The following CDH4 variants were observed in gnomAD, a reference collection of about 807,000 sequenced individuals.
CDH4 encodes cadherin 4.
Under a neutral mutation model 86.0 loss-of-function variants are expected in CDH4, and 33 were observed. The ratio of observed to expected loss-of-function variants is 0.38; its 90% CI spans 0.29 to 0.51. The LOEUF (loss-of-function observed/expected upper bound fraction) is 0.51. CDH4 is among the 20% of genes least tolerant of loss of function. The probability of loss-of-function intolerance (pLI) is 0.86; values close to 1 mark genes in which losing one functional copy is unlikely to be tolerated. For synonymous variants in CDH4, 555 were observed against 549.4 expected (o/e 1.01, Z -0.14); for missense variants, 1,114 against 1,307.4 (o/e 0.85, Z 2.28).
At chr20:61,857,449 G>T (rs1006197037) in intron 6 of CDH4, among the ~76,000 whole-genome samples, 1 of 152,168 alleles carries the variant, frequency 6.6e-6, no homozygotes, top group Admixed American at 6.5e-5. Flanking sequence ...CCAAAATCAG[G>T]GTTCCCTCCA....
At chr20:61,644,340 C>T (rs1228134584) in intron 2 of CDH4, among the ~76,000 whole-genome samples, 5 of 152,216 alleles carry the variant, frequency 3.3e-5, no homozygotes, top group Non-Finnish European at 7.3e-5. Flanking sequence ...TCAGCACCTC[C>T]TCACAGATGC....
At chr20:61,875,490 T>C (rs960716384) in intron 7 of CDH4, among the ~76,000 whole-genome samples, 2 of 152,160 alleles carry the variant, frequency 1.3e-5, no homozygotes, top group Admixed American at 1.3e-4. Flanking sequence ...GATGACAGCC[T>C]TGGACTCCAA....
chr20:61,628,660 C>T (rs1007006188), intron 2 of CDH4, among the ~76,000 whole-genome samples: 11 of 152,216 alleles, frequency 7.2e-5, no homozygotes, highest in Non-Finnish European at 1.5e-4. Context: ...GGGGATGGCC[C>T]GGGTGCACCC....
At chr20:61,580,914 C>T (rs1335683877) in intron 2 of CDH4, among the ~76,000 whole-genome samples, 1 of 152,226 alleles carries the variant, frequency 6.6e-6, no homozygotes, top group African/African-American at 2.4e-5. Context: ...CCCCAACAAA[C>T]AGCAGGACCC....
chr20:61,440,264 C>T lies in CDH4; in HGVS notation c.169+185327C>T, dbSNP rs6062024. Reference sequence around the variant, plus strand: ...AGCCCATGAGAGTAGAAGACACTTACTGAAGTGATGAATGATTCAGAGAAC... The same window carrying T: ...AGCCCATGAGAGTAGAAGACACTTATTGAAGTGATGAATGATTCAGAGAAC... On this transcript the variant is annotated intron_variant, in intron 2 of 15. Coordinates refer to ENST00000614565, the MANE Select transcript of CDH4 (RefSeq NM_001794.5). Among the ~76,000 whole-genome samples the T allele has an allele frequency of 5.3e-3, 811 of 152,258 alleles. 14 individuals carry two copies. The highest frequency in any genetic ancestry group is 0.018 in the African/African-American group (748 of 41,532).
intron 2 of CDH4, among the ~76,000 whole-genome samples, chr20:61,485,874 A>G (rs2085593532): frequency 1.3e-5 from 2 of 151,898 alleles, no homozygotes; most frequent in Non-Finnish European, 2.9e-5. Context: ...ACACGTCTAC[A>G]CTCCACGTTC....
chr20:61,423,174 C>T (rs745738716), intron 2 of CDH4, among the ~76,000 whole-genome samples: 4 of 152,164 alleles, frequency 2.6e-5, no homozygotes, highest in Non-Finnish European at 5.9e-5. Context: ...CCCCCAGACC[C>T]ACGAGGATGG....
At chr20:61,384,837 T>C (rs1568823888) in intron 2 of CDH4, among the ~76,000 whole-genome samples, 1 of 152,218 alleles carries the variant, frequency 6.6e-6, no homozygotes, top group African/African-American at 2.4e-5. Flanking sequence ...TCTTTAAACA[T>C]AATAAGCATA....
intron 2 of CDH4, among the ~76,000 whole-genome samples, chr20:61,622,714 G>T (rs892959943): frequency 3.9e-5 from 6 of 152,228 alleles, no homozygotes; most frequent in Non-Finnish European, 8.8e-5. Flanking sequence ...TGTAGGGGCT[G>T]CCCTGTGCAT....
In CDH4 at chr20:61,383,881, A is replaced by G. The variant is rs147740143; in HGVS notation, c.169+128944A>G. Among the ~76,000 whole-genome samples, 245 of 150,630 alleles carry G rather than the reference A, an allele frequency of 1.6e-3. 6 individuals are homozygous for G. Among genetic ancestry groups the G allele is most frequent in the Admixed American group, 0.011 (161 of 15,046 alleles). On this transcript the variant is annotated intron_variant, in intron 2 of 15. Coordinates refer to ENST00000614565, the MANE Select transcript of CDH4 (RefSeq NM_001794.5). ...TATATATGCGTATATATGAAGATAT[A>G]TGAATATGTATGAGTTTATTAAGTA...
At chr20:61,566,297 C>T (rs910798965) in intron 2 of CDH4, among the ~76,000 whole-genome samples, 3 of 152,170 alleles carry the variant, frequency 2.0e-5, no homozygotes, top group South Asian at 2.1e-4. Flanking sequence ...CTCGCCTTTC[C>T]GTTGCTTTTG....
intron 2 of CDH4, among the ~76,000 whole-genome samples, chr20:61,716,622 A>T (rs972396758): frequency 2.0e-5 from 3 of 152,210 alleles, no homozygotes; most frequent in Non-Finnish European, 4.4e-5. Flanking sequence ...CTAATAGCTG[A>T]GGTTGGATCA....
intron 2 of CDH4, among the ~76,000 whole-genome samples, chr20:61,284,909 G>T (rs1466191820): frequency 6.6e-6 from 1 of 152,164 alleles, no homozygotes; most frequent in Non-Finnish European, 1.5e-5. Context: ...TACATGAATG[G>T]GTGGGGCTGT....
chr20:61,549,617 C>T (rs890441445), intron 2 of CDH4, among the ~76,000 whole-genome samples: 1 of 152,190 alleles, frequency 6.6e-6, no homozygotes, highest in Admixed American at 6.5e-5. Flanking sequence ...GCCTCTTTAT[C>T]CCTCATCCAT....
rs2085155667 is a variant in CDH4, at chr20:61,417,882, C to G, written c.169+162945C>G. On this transcript the variant is annotated intron_variant, in intron 2 of 15. Transcript: ENST00000614565. The surrounding 1 kb of genome is among the most constrained non-coding windows in gnomAD (Gnocchi z 4.0). ...GGGCCAGGCCAGGAGCAGCAGGGCCCTTCATGCTCAGAGGCCCACTTGGAA... is the reference window on the plus strand; with the variant it reads ...GGGCCAGGCCAGGAGCAGCAGGGCCGTTCATGCTCAGAGGCCCACTTGGAA... Among the ~76,000 whole-genome samples, 4 of 152,196 alleles carry G rather than the reference C, an allele frequency of 2.6e-5. 1 individual carries two copies. In the South Asian group the frequency reaches 6.2e-4, roughly 24 times the overall value.
chr20:61,686,627 GCA>G (rs772283571), intron 2 of CDH4, among the ~76,000 whole-genome samples: 42 of 151,414 alleles, frequency 2.8e-4, no homozygotes, highest in Non-Finnish European at 3.8e-4. Flanking sequence ...GTATCTGAGT[GCA>G]CATTCTCGTG....
chr20:61,936,738 G>T lies in CDH4; in HGVS notation c.2546G>T (p.Gly849Val). 6.4e-7 allele frequency: 1 copy of T among 1,572,870 alleles called. No homozygotes were observed. Among genetic ancestry groups the T allele is most frequent in the Non-Finnish European group, 8.6e-7 (1 of 1,160,654 alleles). Residue 849 changes from glycine (G) to valine (V), a missense_variant and splice_region_variant, in exon 16 of 16, where the codon GGA becomes GTA. By Grantham distance (109) the Gly-to-Val change is moderately radical (BLOSUM62 -3). Around this residue, in one of 3 missense-constraint regions of CDH4, gnomAD observed 188 missense variants for 183.8 expected, o/e 1.02. Transcript: ENST00000614565. ...PGDIGDFINE[G>V]LRAADNDPTA... ...TAACTCTGTGTCTGTGACCCCCAGG[G>T]ACTCCGCGCTGCTGACAACGACCCC...
intron 2 of CDH4, among the ~76,000 whole-genome samples, chr20:61,635,444 G>A (rs2086936774): frequency 6.6e-6 from 1 of 152,234 alleles, no homozygotes; most frequent in South Asian, 2.1e-4. Context: ...CCCATCCTGT[G>A]CCCAAGAGGG....
At chr20:61,283,459 G>A (rs1194607469) in intron 2 of CDH4, among the ~76,000 whole-genome samples, 7 of 141,028 alleles carry the variant, frequency 5.0e-5, no homozygotes, top group South Asian at 2.3e-4. Flanking sequence ...ATGTGTGTGC[G>A]TTTGCACGCG....
Sources: gnomAD v4.1 joint callset for allele counts (sites outside exome capture counted in the v4.1 genomes callset) on GRCh38, gnomAD v4.1.1 for gene constraint, gnomAD v4.1.1 regional missense constraint, Gnocchi (gnomAD v3.1) non-coding constraint, MANE v1.5 for transcripts, NCBI Gene and HGNC (gene_info 2026-07-23, HGNC 2026-07-21) for gene names.